Variants in GCLC observed in about 807,000 individuals in gnomAD.
The protein encoded by GCLC is glutamate--cysteine ligase catalytic subunit.
In GCLC, 30 loss-of-function variants were observed where a neutral mutation model predicts 81.5. The ratio of observed to expected loss-of-function variants is 0.37; its 90% confidence interval spans 0.28 to 0.50. GCLC has a LOEUF of 0.50. Ranked by LOEUF, GCLC falls within the 20% of genes least tolerant of loss-of-function variation. GCLC has a pLI of 0.96. For synonymous variants in GCLC, 262 were observed against 273.3 expected (o/e 0.96, Z 0.41); for missense variants, 556 against 777.4 (o/e 0.72, Z 3.39).
Position 53,506,152 on chromosome 6 carries a change from A to G in GCLC, c.1198-257T>C. ...ACCCAGCTCCTACTCCCTATCTCCC[A>G]GCTACAGAGCAGCATCTGAAGAGCC... On this transcript the variant is annotated intron_variant, in intron 10 of 15. Coordinates refer to ENST00000650454, the MANE Select transcript of GCLC (RefSeq NM_001498.4). This position sits in a 1 kb window ranked among gnomAD's most constrained non-coding sequence, Gnocchi z 4.0. 2.4e-6 allele frequency: 1 copy of G among 424,068 alleles called. No homozygotes were observed. The highest frequency in any genetic ancestry group is 4.4e-6 in the Non-Finnish European group (1 of 227,132). The allele number at this position is 424,068 out of a possible 1,614,324, so 26.3% of individuals were successfully genotyped here. A position where few individuals can be genotyped will look rare whatever the true frequency, so the allele number is the denominator to read the frequency against.
chr6:53,504,484 C>CTTA (rs1268523902), intron 12 of GCLC, among the ~76,000 whole-genome samples: 2 of 152,192 alleles, frequency 1.3e-5, no homozygotes, highest in African/African-American at 4.8e-5. Context: ...TAAGCAAAGG[C>CTTA]TTAGACTGGT....
chr6:53,516,524 A>G (rs1043488924), intron 3 of GCLC, among the ~76,000 whole-genome samples: 1 of 152,206 alleles, frequency 6.6e-6, no homozygotes, highest in African/African-American at 2.4e-5. Flanking sequence ...TCTAATAGGA[A>G]GGACTGATAG....
intron 1 of GCLC, among the ~76,000 whole-genome samples, chr6:53,534,544 G>T (rs140807181): frequency 4.6e-5 from 7 of 151,798 alleles, no homozygotes; most frequent in Non-Finnish European, 7.4e-5. Flanking sequence ...AAGACACTGC[G>T]TATCAGATAA....
intron 1 of GCLC, among the ~76,000 whole-genome samples, chr6:53,530,737 G>C (rs77778282): frequency 0.036 from 5,428 of 152,248 alleles, 162 homozygotes; most frequent in Middle Eastern, 0.085. Flanking sequence ...TTCACTAGAA[G>C]AGAATTACCT....
chr6:53,500,416 TA>T lies in GCLC; in HGVS notation c.1477+15del. On this transcript the variant is annotated intron_variant, in intron 13 of 15. Coordinates refer to ENST00000650454, the MANE Select transcript of GCLC (RefSeq NM_001498.4). ...GCAGCATAAGCTGACATTAGAAATCTAAGATAATGTAATACCTTTGCAAATA... is the reference window on the plus strand; with the variant it reads ...GCAGCATAAGCTGACATTAGAAATCTAGATAATGTAATACCTTTGCAAATA... The T allele has an allele frequency of 6.2e-7, 1 of 1,601,512 alleles. No homozygotes were observed. The highest frequency in any genetic ancestry group is 8.6e-7 in the Non-Finnish European group (1 of 1,168,428).
chr6:53,502,172 A>G (rs1274857095), intron 12 of GCLC, among the ~76,000 whole-genome samples: 1 of 152,244 alleles, frequency 6.6e-6, no homozygotes, highest in East Asian at 1.9e-4. Flanking sequence ...GCATTTGAAA[A>G]AAGATGTGGT....
chr6:53,511,906 G>GGT (rs1435726306), intron 6 of GCLC, among the ~76,000 whole-genome samples: 1 of 131,160 alleles, frequency 7.6e-6, no homozygotes, highest in African/African-American at 2.8e-5. Context: ...CTTTGGGGGG[G>GGT]GGGGTGGGAG....
chr6:53,525,334 A>G (rs1763062285), intron 1 of GCLC, among the ~76,000 whole-genome samples: 1 of 152,244 alleles, frequency 6.6e-6, no homozygotes, highest in Non-Finnish European at 1.5e-5. Flanking sequence ...CTGCATATTT[A>G]AAAGTCAAAC....
In GCLC at chr6:53,506,078, C is replaced by G. The variant is rs965402406; in HGVS notation, c.1198-183G>C. On this transcript the variant is annotated intron_variant, in intron 10 of 15. Coordinates refer to ENST00000650454, the MANE Select transcript of GCLC (RefSeq NM_001498.4). This position sits in a 1 kb window ranked among gnomAD's most constrained non-coding sequence, Gnocchi z 4.0. ...TGCTCTTTTAGGAAAACAAAACAGC[C>G]AAGTGTTTAACAAAAGCTATGAGGC... 1.7e-6 allele frequency: 1 copy of G among 596,976 alleles called. No homozygotes were observed. The highest frequency in any genetic ancestry group is 3.0e-6 in the Non-Finnish European group (1 of 328,338). The allele number at this position is 596,976 out of a possible 1,614,324, so 37.0% of individuals were successfully genotyped here.
In GCLC at chr6:53,498,652, G is replaced by T; in HGVS notation, c.*104C>A. 1.2e-6 allele frequency: 1 copy of T among 811,812 alleles called. No individual in the cohort carries two copies. The highest frequency in any genetic ancestry group is 2.2e-6 in the Non-Finnish European group (1 of 458,224). The allele number at this position is 811,812 out of a possible 1,614,324, so 50.3% of individuals were successfully genotyped here. A position where few individuals can be genotyped will look rare whatever the true frequency, so the allele number is the denominator to read the frequency against. On this transcript the variant is annotated 3_prime_UTR_variant, in exon 16 of 16. Transcript: ENST00000650454. ...TTCTGGCTCACTGGCCCAGAAAACA[G>T]TACAGTTCTATCATTTGGTCTTCAT...
intron 8 of GCLC, among the ~76,000 whole-genome samples, chr6:53,507,974 T>C (rs1168914900): frequency 6.6e-6 from 1 of 152,240 alleles, no homozygotes; most frequent in Non-Finnish European, 1.5e-5. Context: ...TTAGAAAGCA[T>C]GTTCAACAAT....
intron 3 of GCLC, among the ~76,000 whole-genome samples, chr6:53,517,276 T>TTC (rs1764898790): frequency 8.3e-6 from 1 of 119,892 alleles, no homozygotes; most frequent in East Asian, 2.3e-4. Flanking sequence ...TTTTTTTTTT[T>TTC]TCCAGGGACG....
chr6:53,505,882 G>A lies in GCLC; in HGVS notation c.1211C>T (p.Thr404Ile). 1 of 1,602,824 alleles carries A rather than the reference G, an allele frequency of 6.2e-7. No individual in the cohort carries two copies. The highest frequency in any genetic ancestry group is 8.5e-7 in the Non-Finnish European group (1 of 1,169,708). Reference sequence around the variant, plus strand: ...CTTAAATCTCATTGTCTGCCAATTTGTGGACTGAATATTCTGTGATACAAA... The same window carrying A: ...CTTAAATCTCATTGTCTGCCAATTTATGGACTGAATATTCTGTGATACAAA... ...ESDHFENIQS[T>I]NWQTMRFKPP... Residue 404 changes from threonine to isoleucine, a missense_variant, in exon 11 of 16, where the codon ACA becomes ATA. Coordinates refer to ENST00000650454, the MANE Select transcript of GCLC (RefSeq NM_001498.4).
Position 53,498,902 on chromosome 6 carries a change from C to T in GCLC, c.1768G>A (p.Asp590Asn), listed in dbSNP as rs1334970553. ...TTCATTTCATCAGTTATGACACTGTCTTGCTTGTAGTCAGGATGGTTTGCG... is the reference window on the plus strand; with the variant it reads ...TTCATTTCATCAGTTATGACACTGTTTTGCTTGTAGTCAGGATGGTTTGCG... ...FIANHPDYKQ[D>N]SVITDEMNYS... The change falls in exon 16 of 16, where the codon GAC (aspartate) becomes AAC (asparagine). Residue 590 changes from aspartate to asparagine, a missense_variant. By Grantham distance (23) the Asp-to-Asn change is conservative. Around this residue, in one of 3 missense-constraint regions of GCLC, gnomAD observed 313 missense variants for 437.3 expected, o/e 0.72. Coordinates refer to ENST00000650454, the MANE Select transcript of GCLC (RefSeq NM_001498.4). 2.5e-6 allele frequency: 4 copies of T among 1,613,298 alleles called. No homozygotes were observed. Among genetic ancestry groups the T allele is most frequent in the South Asian group, 1.1e-5 (1 of 91,072 alleles).
At chr6:53,512,098 G>A (rs1190562367) in intron 6 of GCLC, among the ~76,000 whole-genome samples, 5 of 151,918 alleles carry the variant, frequency 3.3e-5, no homozygotes, top group Non-Finnish European at 7.4e-5. Flanking sequence ...ACAGGCACAT[G>A]CCACCAGGTC....
At chr6:53,517,253 T>TTG (rs1334187734) in intron 3 of GCLC, among the ~76,000 whole-genome samples, 2 of 55,192 alleles carry the variant, frequency 3.6e-5, no homozygotes, top group Non-Finnish European at 8.1e-5. Context: ...TACCAAGTTT[T>TTG]TTTTTTTTTT....
At chr6:53,525,474 G>A (rs1763064336) in intron 1 of GCLC, among the ~76,000 whole-genome samples, 1 of 152,168 alleles carries the variant, frequency 6.6e-6, no homozygotes, top group African/African-American at 2.4e-5. Flanking sequence ...TTTCTGGATT[G>A]TATCCCCATT....
At chr6:53,536,247 A>C (rs566726468) in intron 1 of GCLC, among the ~76,000 whole-genome samples, 1 of 152,348 alleles carries the variant, frequency 6.6e-6, no homozygotes, top group East Asian at 1.9e-4. Flanking sequence ...ATGATTTCTT[A>C]AATATGAAAA....
intron 6 of GCLC, chr6:53,510,018 A>G (rs1764705875): frequency 6.6e-6 from 1 of 152,628 alleles, no homozygotes; most frequent in Admixed American, 6.5e-5. Context: ...AAGACTAGAA[A>G]GACAGGGAAG....
Sources: gnomAD v4.1 joint callset for allele counts (sites outside exome capture counted in the v4.1 genomes callset) on GRCh38, gnomAD v4.1.1 for gene constraint, gnomAD v4.1.1 regional missense constraint, Gnocchi (gnomAD v3.1) non-coding constraint, MANE v1.5 for transcripts, NCBI Gene and HGNC (gene_info 2026-07-23, HGNC 2026-07-21) for gene names.